The following KMT2D variants were observed in gnomAD, a reference collection of about 807,000 sequenced individuals.
KMT2D encodes the protein histone-lysine N-methyltransferase 2D.
Under a neutral mutation model 512.7 loss-of-function variants are expected in KMT2D, and 55 were observed. The observed-to-expected ratio is 0.11, with a 90% CI of 0.09 to 0.13. The LOEUF is 0.13. Ranked by LOEUF, KMT2D falls within the 10% of genes least tolerant of loss-of-function variation. The pLI, the probability that KMT2D is intolerant of heterozygous loss-of-function variation, is 1.00. For missense variants in KMT2D, 6,061 were observed against 7,127.9 expected, an observed-to-expected ratio of 0.85 and a Z score of 5.39; for synonymous variants, 2,995 against 2,904.0, an observed-to-expected ratio of 1.03 and a Z score of -1.01.
rs587783707 is a variant in KMT2D, at chr12:49,051,400, TAGGTGTGGCTCCTCAGGCCGGGGGGAC to T, written c.2256_2282del (p.Arg755_Pro763del). The T allele has an allele frequency of 1.0e-4, 148 of 1,442,462 alleles. No individual in the cohort carries two copies. Among genetic ancestry groups the T allele is most frequent in the Non-Finnish European group, 1.1e-4 (123 of 1,087,150 alleles). 89.4% of individuals were successfully genotyped at this position (1,442,462 alleles called of 1,614,324 possible). On this transcript the variant is annotated inframe_deletion, in exon 11 of 55. Coordinates refer to ENST00000301067, the MANE Select transcript of KMT2D (RefSeq NM_003482.4). ...GGTGTGGCTCCTCAGCCTGCGGAGA[TAGGTGTGGCTCCTCAGGCCGGGGGGAC>T]AGGTGCGGCTCCTCAGGCCGGGGTG...
chr12:49,046,804 T>C lies in KMT2D; in HGVS notation c.4237-14A>G. 2 of 1,607,102 alleles carry C rather than the reference T, an allele frequency of 1.2e-6. No individual in the cohort carries two copies. Among genetic ancestry groups the C allele is most frequent in the Non-Finnish European group, 1.7e-6 (2 of 1,174,862 alleles). Reference sequence around the variant, plus strand: ...CACCTTGGTGATCTGGGGCAGAAGATGGGAACTTCTCAGGGTGTGAGGTGG... The same window carrying C: ...CACCTTGGTGATCTGGGGCAGAAGACGGGAACTTCTCAGGGTGTGAGGTGG... On this transcript the variant is annotated splice_polypyrimidine_tract_variant and intron_variant, in intron 15 of 54. Coordinates refer to ENST00000301067, the MANE Select transcript of KMT2D (RefSeq NM_003482.4). This position sits in a 1 kb window ranked among gnomAD's most constrained non-coding sequence, Gnocchi z 4.2.
rs1942378781 is a variant in KMT2D at position 49,022,515 on chromosome 12, C to T, written c.16338+75G>A. 1 of 1,563,012 alleles carries T rather than the reference C, an allele frequency of 6.4e-7. No homozygotes were observed. Among genetic ancestry groups the T allele is most frequent in the Non-Finnish European group, 8.7e-7 (1 of 1,145,608 alleles). On this transcript the variant is annotated intron_variant, in intron 52 of 54. Coordinates refer to ENST00000301067, the MANE Select transcript of KMT2D (RefSeq NM_003482.4). The surrounding 1 kb of genome is among the most constrained non-coding windows in gnomAD (Gnocchi z 8.6). ...CCACCACAGCTTTCCTCCTGCTCTC[C>T]TGTGACCAATCCTGCCCTTGCTCCT...
rs1469264460 is a variant in KMT2D at position 49,059,650 on chromosome 12, C to T, written c.-75G>A. ...CGATCCAGAAATCCTCATCCGAGAA[C>T]ATGGCCAGAGCCCGGGCCGCTCCCC... On this transcript the variant is annotated 5_prime_UTR_variant, in exon 1 of 55. It removes an upstream start codon present in the reference 5' UTR. Coordinates refer to ENST00000301067, the MANE Select transcript of KMT2D (RefSeq NM_003482.4). The T allele has an allele frequency of 6.6e-6, 1 of 152,302 alleles. No individual in the cohort carries two copies. Among genetic ancestry groups the T allele is most frequent in the African/African-American group, 2.4e-5 (1 of 41,396 alleles). The allele number at this position is 152,302 out of a possible 1,614,324, so 9.4% of individuals were successfully genotyped here.
At chr12:49,035,011 C>T (rs2120463390) in intron 35 of KMT2D, 76 bp from the exon 36 acceptor site, 1 of 1,574,718 alleles carries the variant, frequency 6.4e-7, no homozygotes, top group Non-Finnish European at 8.7e-7. Context: ...CCTTCAACAT[C>T]CTGACTTCAA....
rs781047520 is a variant in KMT2D, at chr12:49,030,730, G to C, written c.13710C>G (p.Thr4570=). 1.9e-6 allele frequency: 3 copies of C among 1,613,686 alleles called. No homozygotes were observed. ...AGGGGGCAAAGAGGCTAAAATTGGC[G>C]GTGATAGCAGGCTCCGTTAGGGGCA... ...SLLPLTEPAI[T]ANFSLFAPFG... is the part of the protein sequence containing the mutation. The change falls in exon 42 of 55, where the codon ACC becomes ACG. Residue 4570 remains threonine (T), a synonymous_variant. Coordinates refer to ENST00000301067, the MANE Select transcript of KMT2D (RefSeq NM_003482.4).
rs776217418 is a variant in KMT2D at position 49,055,344 on chromosome 12, G to A, written c.-20C>T. The A allele has an allele frequency of 1.9e-6, 3 of 1,612,750 alleles. No individual in the cohort carries two copies. Among genetic ancestry groups the A allele is most frequent in the Non-Finnish European group, 2.5e-6 (3 of 1,178,898 alleles). ...GTCCATCCCTCTCTCCGACTGGGCA[G>A]GGCCCTCTCGGGGAGACCTGTTGGT... On this transcript the variant is annotated 5_prime_UTR_variant, in exon 2 of 55. Coordinates refer to ENST00000301067, the MANE Select transcript of KMT2D (RefSeq NM_003482.4).
chr12:49,055,711 G>T (rs1044185046), intron 1 of KMT2D, among the ~76,000 whole-genome samples: 1 of 152,048 alleles, frequency 6.6e-6, no homozygotes, highest in African/African-American at 2.4e-5. Flanking sequence ...TTGGCTTTTG[G>T]TGAGCCCTAT....
At position 49,046,420 on chromosome 12, in the gene KMT2D, C is replaced by A; in HGVS notation, c.4423G>T (p.Val1475Leu). ...GCAGCCCCACACTGCATACAGGACA[C>A]ACACCTGATAGGAGCAGGAAAACAG... The part of the protein sequence containing the change: ...PKGGWKCKWC[V>L]SCMQCGAASP... The change falls in exon 17 of 55, where the codon GTG becomes TTG. Residue 1475 changes from valine to leucine, a missense_variant. Val to Leu is a conservative substitution (Grantham distance 32, BLOSUM62 1). Around this residue, in one of 16 missense-constraint regions of KMT2D, gnomAD observed 640 missense variants for 814.3 expected, o/e 0.79. Coordinates refer to ENST00000301067, the MANE Select transcript of KMT2D (RefSeq NM_003482.4). This position sits in a 1 kb window ranked among gnomAD's most constrained non-coding sequence, Gnocchi z 4.2. 1 of 1,613,870 alleles carries A rather than the reference C, an allele frequency of 6.2e-7. No individual in the cohort carries two copies. Among genetic ancestry groups the A allele is most frequent in the Non-Finnish European group, 8.5e-7 (1 of 1,179,836 alleles).
intron 1 of KMT2D, among the ~76,000 whole-genome samples, chr12:49,059,265 G>C (rs1020745920): frequency 1.3e-5 from 2 of 152,074 alleles, no homozygotes; most frequent in African/African-American, 4.8e-5. Flanking sequence ...GAACCCTGAG[G>C]GGAGAAGCAG....
Position 49,040,715 on chromosome 12 carries a change from G to A in KMT2D, c.7055C>T (p.Pro2352Leu), listed in dbSNP as rs541059603. The change falls in exon 32 of 55, where the codon CCA (proline) becomes CTA (leucine). Residue 2352 changes from proline to leucine, a missense_variant. By Grantham distance (98) the Pro-to-Leu change is moderately conservative (BLOSUM62 -3). Coordinates refer to ENST00000301067, the MANE Select transcript of KMT2D (RefSeq NM_003482.4). ...SPGLGLRPQE[P>L]PPAQALAPSP... ...AGGTGCCAAAGCCTGGGCAGGGGGT[G>A]GCTCCTGGGGCCTTAGGCCCAAGCC... 15 of 1,613,736 alleles carry A rather than the reference G, an allele frequency of 9.3e-6. No individual in the cohort carries two copies. Among genetic ancestry groups the A allele is most frequent in the Middle Eastern group, 1.7e-4 (1 of 6,052 alleles).
rs776139328 is a variant in KMT2D at position 49,050,438 on chromosome 12, G to C, written c.3150C>G (p.Ser1050=). 1 of 1,613,952 alleles carries C rather than the reference G, an allele frequency of 6.2e-7. No homozygotes were observed. Among genetic ancestry groups the C allele is most frequent in the Non-Finnish European group, 8.5e-7 (1 of 1,179,870 alleles). Residue 1050 remains serine, a synonymous_variant, in exon 12 of 55, where the codon TCC becomes TCG. Transcript: ENST00000301067. ...CTATGGGACTCAACGGGGAGGGAAC[G>C]GACAGTGGTAGGGCAGGAGGAGAGC... The part of the protein sequence containing the change: ...SQCSPPALPL[S]VPSPLSPIGK...
Position 49,022,499 on chromosome 12 carries a change from C to T in KMT2D, c.16338+91G>A, listed in dbSNP as rs1942378048. 2 of 1,540,938 alleles carry T rather than the reference C, an allele frequency of 1.3e-6. No homozygotes were observed. Among genetic ancestry groups the T allele is most frequent in the South Asian group, 1.2e-5 (1 of 83,742 alleles). Reference sequence around the variant, plus strand: ...TGCCTTTCCCTTCTCCCCACCACAGCTTTCCTCCTGCTCTCCTGTGACCAA... The same window carrying T: ...TGCCTTTCCCTTCTCCCCACCACAGTTTTCCTCCTGCTCTCCTGTGACCAA... On this transcript the variant is annotated intron_variant, in intron 52 of 54. Coordinates refer to ENST00000301067, the MANE Select transcript of KMT2D (RefSeq NM_003482.4). This position sits in a 1 kb window ranked among gnomAD's most constrained non-coding sequence, Gnocchi z 8.6.
rs559720363 is a variant in KMT2D, at chr12:49,045,643, CA to C, written c.4741+276del. Among the ~76,000 whole-genome samples, 1,315 of 70,118 alleles carry C rather than the reference CA, an allele frequency of 0.019. 5 individuals carry two copies. The highest frequency in any genetic ancestry group is 0.026 in the Non-Finnish European group (854 of 32,276). The allele number at this position is 70,118 out of a possible 152,430, so 46.0% of individuals were successfully genotyped here. Reference sequence around the variant, plus strand: ...TGGGCAACAGAGCAAGACTCCATCTCAAAAAAAAAAAAAAAAAAGAGATCTG... The same window carrying C: ...TGGGCAACAGAGCAAGACTCCATCTCAAAAAAAAAAAAAAAAAGAGATCTG... On this transcript the variant is annotated intron_variant, in intron 19 of 54. Coordinates refer to ENST00000301067, the MANE Select transcript of KMT2D (RefSeq NM_003482.4).
chr12:49,020,299 TG>T lies in KMT2D; in HGVS notation c.*1480del. 1.4e-5 allele frequency: 2 copies of T among 142,466 alleles called. No homozygotes were observed. The highest frequency in any genetic ancestry group is 1.3e-4 in the East Asian group (1 of 7,534). 8.8% of individuals were successfully genotyped at this position (142,466 alleles called of 1,614,324 possible). A position where few individuals can be genotyped will look rare whatever the true frequency, so the allele number is the denominator to read the frequency against. ...CACAGCCAGGGGGTGGGGAGTGGGG[TG>T]GGGGGTGAGGAAAAGGGCGGTAGGT... On this transcript the variant is annotated 3_prime_UTR_variant, in exon 55 of 55. Transcript: ENST00000301067.
At chr12:49,043,605 T>G in intron 24 of KMT2D, 30 bp downstream of exon 24, 1 of 1,613,068 alleles carries the variant, frequency 6.2e-7, no homozygotes, top group Non-Finnish European at 8.5e-7. Flanking sequence ...AGTTGGATTC[T>G]CTCACACCAC....
In KMT2D at chr12:49,046,319, A is replaced by G. The variant is rs1362849101; in HGVS notation, c.4524T>C (p.Pro1508=). The G allele has an allele frequency of 6.2e-7, 1 of 1,613,908 alleles. No homozygotes were observed. The highest frequency in any genetic ancestry group is 2.2e-5 in the East Asian group (1 of 44,898). The part of the protein sequence containing the change: ...CGPCASLVTC[P]ICHAPYVEED... ...CTTCTACGTAAGGAGCATGACAGAT[A>G]GGGCAGGTCACCAGGCTGGCACAGG... The change falls in exon 17 of 55, where the codon CCT becomes CCC. Residue 1508 remains proline (P), a synonymous_variant. Coordinates refer to ENST00000301067, the MANE Select transcript of KMT2D (RefSeq NM_003482.4). The surrounding 1 kb of genome is among the most constrained non-coding windows in gnomAD (Gnocchi z 4.2).
rs2120670390 is a variant in KMT2D, at chr12:49,051,459, G to A, written c.2224C>T (p.His742Tyr). The change falls in exon 11 of 55, where the codon CAC (histidine) becomes TAC (tyrosine). Residue 742 changes from histidine to tyrosine, a missense_variant. Coordinates refer to ENST00000301067, the MANE Select transcript of KMT2D (RefSeq NM_003482.4). ...PQLCPRSEGP[H>Y]LSPRPEEPHL... ...GGCTCCTCAGGCCGGGGTGACAGGT[G>A]CGGCCCCTCGGACCGGGGGCAGAGT... The A allele has an allele frequency of 6.2e-7, 1 of 1,613,556 alleles. No homozygotes were observed. The highest frequency in any genetic ancestry group is 8.5e-7 in the Non-Finnish European group (1 of 1,179,740).
At chr12:49,037,042 TCTGA>T in intron 35 of KMT2D, 79 bp downstream of exon 35, 1 of 1,484,298 alleles carries the variant, frequency 6.7e-7, no homozygotes, top group South Asian at 1.4e-5. Context: ...GTAGGGATTA[TCTGA>T]GGTCTCTAGC....
Position 49,019,024 on chromosome 12 carries a change from A to G in KMT2D, c.*2756T>C. On this transcript the variant is annotated 3_prime_UTR_variant, in exon 55 of 55. Coordinates refer to ENST00000301067, the MANE Select transcript of KMT2D (RefSeq NM_003482.4). ...ATTTGTCGTTTAAAAACAAACTTGGAAGAAGCAAAATCCAAAACTTGCCCT... is the reference window on the plus strand; with the variant it reads ...ATTTGTCGTTTAAAAACAAACTTGGGAGAAGCAAAATCCAAAACTTGCCCT... 1.4e-6 allele frequency: 2 copies of G among 1,385,920 alleles called. No homozygotes were observed. The highest frequency in any genetic ancestry group is 1.9e-6 in the Non-Finnish European group (2 of 1,072,424). The allele number at this position is 1,385,920 out of a possible 1,614,324, so 85.9% of individuals were successfully genotyped here.
Sources: allele counts gnomAD v4.1 joint callset (sites outside exome capture counted in the v4.1 genomes callset), GRCh38; gene constraint gnomAD v4.1.1; regional missense constraint gnomAD v4.1.1; non-coding constraint Gnocchi (gnomAD v3.1); transcripts MANE v1.5; gene names NCBI Gene and HGNC (gene_info 2026-07-23, HGNC 2026-07-21).